The following TTLL11 variants were observed in gnomAD, a reference collection of about 807,000 sequenced individuals.
TTLL11 encodes tubulin polyglutamylase TTLL11.
Under a neutral mutation model 51.7 loss-of-function variants are expected in TTLL11, and 42 were observed. The observed-to-expected ratio is 0.81, with a 90% CI of 0.64 to 1.05. TTLL11 has a LOEUF of 1.05. Among genes scored for constraint, TTLL11 ranks in the 50% least tolerant of loss-of-function variants. The pLI is 0.00. For synonymous variants in TTLL11, 381 were observed against 383.5 expected (o/e 0.99, Z 0.08); for missense variants, 799 against 940.4 (o/e 0.85, Z 1.97).
chr9:121,833,718 G>A (rs1018864212), intron 8 of TTLL11, among the ~76,000 whole-genome samples: 3 of 152,058 alleles, frequency 2.0e-5, no homozygotes, highest in Non-Finnish European at 4.4e-5. Flanking sequence ...TCTACATTAC[G>A]CTTTCTTAAC....
intron 8 of TTLL11, among the ~76,000 whole-genome samples, chr9:121,846,992 C>T (rs1837533572): frequency 1.3e-5 from 2 of 152,114 alleles, no homozygotes; most frequent in Admixed American, 6.5e-5. Context: ...GGGCGGATCA[C>T]GAGGTCAAGA....
intron 6 of TTLL11, among the ~76,000 whole-genome samples, chr9:121,954,430 C>A (rs1314223992): frequency 6.6e-6 from 1 of 152,200 alleles, no homozygotes; most frequent in Non-Finnish European, 1.5e-5. Flanking sequence ...AATGCGAAAC[C>A]TTGTAATATC....
At chr9:121,837,213 T>G (rs1006335051) in intron 8 of TTLL11, among the ~76,000 whole-genome samples, 1 of 151,786 alleles carries the variant, frequency 6.6e-6, no homozygotes, top group African/African-American at 2.4e-5. Context: ...TTTCTTCTTT[T>G]TTTGATATTG....
intron 1 of TTLL11, chr9:122,040,403 C>T: frequency 1.0e-6 from 1 of 985,094 alleles, no homozygotes; most frequent in Non-Finnish European, 1.2e-6. Context: ...CTTTCCACTA[C>T]ATCCTGTTGC....
At chr9:122,011,203 C>T (rs1212134871) in intron 3 of TTLL11, among the ~76,000 whole-genome samples, 1 of 152,162 alleles carries the variant, frequency 6.6e-6, no homozygotes, top group African/African-American at 2.4e-5. Context: ...TGCCTTCCGC[C>T]ACGATTGTGA....
chr9:121,932,718 A>C (rs1841040367), intron 6 of TTLL11, among the ~76,000 whole-genome samples: 1 of 152,218 alleles, frequency 6.6e-6, no homozygotes, highest in Non-Finnish European at 1.5e-5. Flanking sequence ...AAATCAAATA[A>C]TAAGGCTAAT....
intron 6 of TTLL11, among the ~76,000 whole-genome samples, chr9:121,971,166 A>C (rs1388030177): frequency 1.4e-4 from 1 of 7,334 alleles, no homozygotes; most frequent in Non-Finnish European, 3.4e-4. Flanking sequence ...GGAGGGAGGT[A>C]GGGGGGTCAG....
intron 1 of TTLL11, among the ~76,000 whole-genome samples, chr9:122,080,700 A>T (rs1411778088): frequency 6.6e-6 from 1 of 151,234 alleles, no homozygotes; most frequent in Admixed American, 6.6e-5. Flanking sequence ...CTCTAAAGAC[A>T]AAAAAAAAGA....
At chr9:122,079,031 C>T (rs955486558) in intron 1 of TTLL11, among the ~76,000 whole-genome samples, 5 of 152,138 alleles carry the variant, frequency 3.3e-5, no homozygotes, top group African/African-American at 9.7e-5. Flanking sequence ...GTGAATAATG[C>T]TACTATGAAC....
chr9:121,878,752 G>A (rs1472129488), intron 6 of TTLL11, among the ~76,000 whole-genome samples: 1 of 152,192 alleles, frequency 6.6e-6, no homozygotes, highest in Non-Finnish European at 1.5e-5. Flanking sequence ...TTCCAACAGG[G>A]TTCTCTGCCC....
intron 2 of TTLL11, among the ~76,000 whole-genome samples, chr9:122,032,737 C>G (rs908213647): frequency 6.7e-6 from 1 of 150,214 alleles, no homozygotes; most frequent in African/African-American, 2.4e-5. Context: ...TATATTGTAG[C>G]AAATTTTAAG....
intron 7 of TTLL11, among the ~76,000 whole-genome samples, chr9:121,863,750 A>G (rs1838092091): frequency 6.6e-6 from 1 of 152,158 alleles, no homozygotes; most frequent in Non-Finnish European, 1.5e-5. Context: ...AGCTCTCTGG[A>G]TTTTAACCAT....
At chr9:121,956,903 G>A (rs1218306378) in intron 6 of TTLL11, among the ~76,000 whole-genome samples, 1 of 152,206 alleles carries the variant, frequency 6.6e-6, no homozygotes, top group Non-Finnish European at 1.5e-5. Context: ...CCAAGGTTCT[G>A]CATCCAGTGG....
Position 121,826,153 on chromosome 9 carries a change from A to AATATATATATAT in TTLL11, c.1841-3286_1841-3275dup, listed in dbSNP as rs10562547. ...TATATTCTACTTTTTATCAAAGTAG[A>AATATATATATAT]ATATATATATATATATATATAACCA... On this transcript the variant is annotated intron_variant, in intron 8 of 8. Transcript: ENST00000321582. 2.4e-3 allele frequency among the ~76,000 whole-genome samples: 168 copies of AATATATATATAT among 70,914 alleles called. 1 individual carries two copies. The highest frequency in any genetic ancestry group is 9.0e-3 in the African/African-American group (156 of 17,376). 46.5% of individuals were successfully genotyped at this position (70,914 alleles called of 152,430 possible). A position where few individuals can be genotyped will look rare whatever the true frequency, so the allele number is the denominator to read the frequency against.
rs1315885639 is a variant in TTLL11 at position 122,000,137 on chromosome 9, C to T, written c.694-10367G>A. Among the ~76,000 whole-genome samples the T allele has an allele frequency of 3.3e-5, 5 of 152,132 alleles. No individual in the cohort carries two copies. The East Asian group carries it at 7.7e-4, about 24-fold the overall frequency. On this transcript the variant is annotated intron_variant, in intron 3 of 8. Coordinates refer to ENST00000321582, the MANE Select transcript of TTLL11 (RefSeq NM_001139442.2). Reference sequence around the variant, plus strand: ...CAGAAGGTGAAGGCATTCTAAGTCACAGGATGAGACAGGAGGTCAGCACAA... The same window carrying T: ...CAGAAGGTGAAGGCATTCTAAGTCATAGGATGAGACAGGAGGTCAGCACAA...
chr9:121,957,644 C>T (rs1242553012), intron 6 of TTLL11, among the ~76,000 whole-genome samples: 2 of 152,314 alleles, frequency 1.3e-5, no homozygotes, highest in African/African-American at 4.8e-5. Flanking sequence ...GCCAAGGAGG[C>T]GTGCTCACAT....
chr9:121,982,414 T>G (rs1056417660), intron 4 of TTLL11, among the ~76,000 whole-genome samples: 2 of 152,056 alleles, frequency 1.3e-5, no homozygotes, highest in East Asian at 3.9e-4. Flanking sequence ...CTAAATAAAG[T>G]GAGAGAATAA....
chr9:121,914,677 G>A (rs571383622), intron 6 of TTLL11, among the ~76,000 whole-genome samples: 47 of 152,200 alleles, frequency 3.1e-4, no homozygotes, highest in African/African-American at 9.4e-4. Flanking sequence ...TATGTCATGC[G>A]GCCCCCTCCA....
chr9:122,055,855 CCAAAAGACTG>C (rs1845279404), intron 1 of TTLL11, among the ~76,000 whole-genome samples: 1 of 152,144 alleles, frequency 6.6e-6, no homozygotes, highest in African/African-American at 2.4e-5. Context: ...AGGGAAGTTA[CCAAAAGACTG>C]GGAGGGAGGG....
Sources: gnomAD v4.1 joint callset for allele counts (sites outside exome capture counted in the v4.1 genomes callset) on GRCh38, gnomAD v4.1.1 for gene constraint, MANE v1.5 for transcripts, NCBI Gene and HGNC (gene_info 2026-07-23, HGNC 2026-07-21) for gene names.